The following CTNNA3 variants were observed in gnomAD, a reference collection of about 807,000 sequenced individuals.
CTNNA3 encodes the protein catenin alpha-3.
In CTNNA3, 76 loss-of-function variants were observed where a neutral mutation model predicts 95.7. That is an observed-to-expected ratio of 0.79 (90% CI 0.66 to 0.96). CTNNA3 has a LOEUF of 0.96. CTNNA3 is among the 40% of genes least tolerant of loss of function. The pLI, the probability that CTNNA3 is intolerant of heterozygous loss-of-function variation, is 0.00. For missense variants in CTNNA3, 1,191 were observed against 1,089.8 expected (o/e 1.09, Z -1.31); for synonymous variants, 431 against 374.4 (o/e 1.15, Z -1.74).
At chr10:66,680,167 T>G (rs80288847) in intron 9 of CTNNA3, among the ~76,000 whole-genome samples, 1 of 98,146 alleles carries the variant, frequency 1.0e-5, no homozygotes, top group East Asian at 2.5e-4. Flanking sequence ...CCGACTAATG[T>G]TTTTTTTTGT....
intron 11 of CTNNA3, among the ~76,000 whole-genome samples, chr10:66,421,625 G>A (rs2093193731): frequency 6.6e-6 from 1 of 151,690 alleles, no homozygotes; most frequent in Non-Finnish European, 1.5e-5. Context: ...ATGAGGTCAA[G>A]AGATCGAGAC....
intron 9 of CTNNA3, among the ~76,000 whole-genome samples, chr10:66,642,457 C>T (rs1291955914): frequency 6.6e-6 from 1 of 152,018 alleles, no homozygotes; most frequent in Non-Finnish European, 1.5e-5. Context: ...AGAGTATGAA[C>T]CGCTGCCAAG....
chr10:66,911,008 A>G (rs2132558226), intron 7 of CTNNA3, among the ~76,000 whole-genome samples: 1 of 152,320 alleles, frequency 6.6e-6, no homozygotes, highest in African/African-American at 2.4e-5. Context: ...TTCAAACAAG[A>G]AGGAAGCAAT....
At chr10:66,449,703 C>A (rs913077622) in intron 11 of CTNNA3, among the ~76,000 whole-genome samples, 1 of 152,020 alleles carries the variant, frequency 6.6e-6, no homozygotes, top group Non-Finnish European at 1.5e-5. Flanking sequence ...TTCTGGAGAA[C>A]ACCATCATCT....
rs528804345 is a variant in CTNNA3 at position 66,114,278 on chromosome 10, A to G, written c.1885-11029T>C. On this transcript the variant is annotated intron_variant, in intron 13 of 17. Transcript: ENST00000433211. ...TTCTTTTCCAAAAATGCTATTCTAT[A>G]GATATTAAAATAAGAGTTTCAGAGA... Among the ~76,000 whole-genome samples the G allele has an allele frequency of 2.8e-4, 42 of 152,238 alleles. No homozygotes were observed. The South Asian group carries it at 7.5e-3, about 27-fold the overall frequency.
chr10:67,019,969 C>T (rs901902962), intron 7 of CTNNA3, among the ~76,000 whole-genome samples: 1 of 151,512 alleles, frequency 6.6e-6, no homozygotes, highest in East Asian at 2.0e-4. Flanking sequence ...CTTTAAATAC[C>T]TCACCTGTGA....
At chr10:66,625,349 G>A (rs1205587564) in intron 9 of CTNNA3, among the ~76,000 whole-genome samples, 2 of 152,024 alleles carry the variant, frequency 1.3e-5, no homozygotes, top group Non-Finnish European at 2.9e-5. Context: ...TCATGTTAAT[G>A]TTTGTTCCCT....
chr10:67,658,142 T>C (rs561977859), intron 1 of CTNNA3, among the ~76,000 whole-genome samples: 2 of 152,224 alleles, frequency 1.3e-5, no homozygotes, highest in Non-Finnish European at 2.9e-5. Flanking sequence ...AAAGTTGGAC[T>C]GCCTGGGTGA....
chr10:66,282,704 G>A (rs1160905240), intron 12 of CTNNA3, among the ~76,000 whole-genome samples: 1 of 151,612 alleles, frequency 6.6e-6, no homozygotes, highest in Non-Finnish European at 1.5e-5. Context: ...CTTATGAATG[G>A]CACCTGCTCT....
chr10:67,592,095 T>C (rs1055493129), intron 3 of CTNNA3, among the ~76,000 whole-genome samples: 2 of 152,124 alleles, frequency 1.3e-5, no homozygotes, highest in African/African-American at 2.4e-5. Flanking sequence ...TTTTAACCAA[T>C]TGAATGGTGC....
intron 12 of CTNNA3, among the ~76,000 whole-genome samples, chr10:66,346,405 A>T (rs1357053211): frequency 2.6e-5 from 4 of 151,518 alleles, no homozygotes; most frequent in African/African-American, 9.7e-5. Flanking sequence ...CAGCCTCCTG[A>T]GTAGCTGGGA....
intron 8 of CTNNA3, among the ~76,000 whole-genome samples, chr10:66,772,150 G>A (rs1017361268): frequency 6.6e-6 from 1 of 152,098 alleles, no homozygotes; most frequent in Non-Finnish European, 1.5e-5. Flanking sequence ...TGTGGGCCAG[G>A]CCTGGTGGCT....
chr10:67,634,835 A>G (rs1224820761), intron 2 of CTNNA3, among the ~76,000 whole-genome samples: 1 of 152,246 alleles, frequency 6.6e-6, no homozygotes, highest in Non-Finnish European at 1.5e-5. Context: ...GCAAGTCCTT[A>G]GAAACCTATA....
chr10:66,588,364 C>G (rs1389458711), intron 10 of CTNNA3, among the ~76,000 whole-genome samples: 1 of 152,166 alleles, frequency 6.6e-6, no homozygotes, highest in Admixed American at 6.5e-5. Context: ...TCCTGTGTTG[C>G]TTCTTAGAAA....
chr10:66,557,170 A>G (rs1310663172), intron 10 of CTNNA3, among the ~76,000 whole-genome samples: 2 of 152,158 alleles, frequency 1.3e-5, no homozygotes, highest in East Asian at 3.9e-4. Context: ...GTTGAATTGA[A>G]CAACGTGCTT....
chr10:67,443,557 C>A (rs1345617355), intron 5 of CTNNA3, among the ~76,000 whole-genome samples: 1 of 152,188 alleles, frequency 6.6e-6, no homozygotes, highest in East Asian at 1.9e-4. Flanking sequence ...TGATGATGAG[C>A]ATTTTTTCAT....
intron 7 of CTNNA3, among the ~76,000 whole-genome samples, chr10:66,802,975 T>C (rs939295755): frequency 1.3e-5 from 2 of 151,944 alleles, no homozygotes; most frequent in African/African-American, 2.4e-5. Context: ...GATTTGACTG[T>C]AAGGGGGCCC....
At chr10:67,050,854 T>A (rs544689014) in intron 7 of CTNNA3, among the ~76,000 whole-genome samples, 5 of 152,238 alleles carry the variant, frequency 3.3e-5, no homozygotes, top group Non-Finnish European at 7.3e-5. Flanking sequence ...AAAATATTTA[T>A]GCAAAGTTTT....
At chr10:66,494,420 A>G (rs1290881215) in intron 11 of CTNNA3, among the ~76,000 whole-genome samples, 1 of 152,234 alleles carries the variant, frequency 6.6e-6, no homozygotes, top group Non-Finnish European at 1.5e-5. Context: ...AGACAGTAGA[A>G]AACATAGTAA....
Sources: allele counts gnomAD v4.1 joint callset (sites outside exome capture counted in the v4.1 genomes callset), GRCh38; gene constraint gnomAD v4.1.1; transcripts MANE v1.5; gene names NCBI Gene and HGNC (gene_info 2026-07-23, HGNC 2026-07-21).